The following RPS6KC1 variants were observed in gnomAD, a reference collection of about 807,000 sequenced individuals.
RPS6KC1 encodes ribosomal protein S6 kinase C1, also known as inactive ribosomal protein S6 kinase delta-1.
Under a neutral mutation model 103.8 loss-of-function variants are expected in RPS6KC1, and 54 were observed. The ratio of observed to expected loss-of-function variants is 0.52; its 90% CI spans 0.42 to 0.65. The LOEUF (loss-of-function observed/expected upper bound fraction) is 0.65, where lower values mean the gene tolerates loss of function less well. Among genes scored for constraint, RPS6KC1 ranks in the 30% least tolerant of loss-of-function variants. The pLI, the probability that RPS6KC1 is intolerant of heterozygous loss-of-function variation, is 0.00. For synonymous variants in RPS6KC1, 439 were observed against 438.7 expected (o/e 1.00, Z -0.01); for missense variants, 1,151 against 1,253.8 (o/e 0.92, Z 1.24).
chr1:213,567,776 T>G, the RPS6KC1 span, among the ~76,000 whole-genome samples: 1 of 152,228 alleles, frequency 6.6e-6, no homozygotes, highest in African/African-American at 2.4e-5. Flanking sequence ...CTAGTAATTG[T>G]AATGGAGTTG....
chr1:213,488,130 A>G, the RPS6KC1 span, among the ~76,000 whole-genome samples: 6 of 152,210 alleles, frequency 3.9e-5, no homozygotes, highest in Non-Finnish European at 7.3e-5. Context: ...GGTCACCTAA[A>G]CAATCCCTAT....
chr1:213,450,973 C>CA, the RPS6KC1 span, among the ~76,000 whole-genome samples: 2,874 of 145,904 alleles, frequency 0.02, 89 homozygotes, highest in African/African-American at 0.068. Context: ...GACTCTGTTT[C>CA]AAAAAAAAAA....
the RPS6KC1 span, among the ~76,000 whole-genome samples, chr1:213,434,621 A>G: frequency 6.6e-6 from 1 of 151,958 alleles, no homozygotes; most frequent in Admixed American, 6.6e-5. Context: ...ACACCCAGCT[A>G]ATTTTTGCAT....
At chr1:213,529,200 G>C in the RPS6KC1 span, among the ~76,000 whole-genome samples, 1 of 151,940 alleles carries the variant, frequency 6.6e-6, no homozygotes, top group South Asian at 2.1e-4. Context: ...AAAGATAATG[G>C]GGAGGGGGAT....
chr1:213,527,693 G>A, the RPS6KC1 span, among the ~76,000 whole-genome samples: 4 of 151,728 alleles, frequency 2.6e-5, no homozygotes, highest in East Asian at 3.9e-4. Flanking sequence ...TAATTGACAC[G>A]TTGTAATTGT....
chr1:213,399,639 C>T, the RPS6KC1 span, among the ~76,000 whole-genome samples: 20 of 152,216 alleles, frequency 1.3e-4, no homozygotes, highest in East Asian at 3.7e-3. Context: ...CCAATGGGTG[C>T]ATGAAGCCGC....
At chr1:213,489,294 G>A in the RPS6KC1 span, among the ~76,000 whole-genome samples, 1 of 152,134 alleles carries the variant, frequency 6.6e-6, no homozygotes, top group African/African-American at 2.4e-5. Context: ...AGGTGTGAAG[G>A]AGATTCCCAG....
the RPS6KC1 span, among the ~76,000 whole-genome samples, chr1:213,603,667 C>T: frequency 6.6e-6 from 1 of 151,878 alleles, no homozygotes; most frequent in East Asian, 1.9e-4. Flanking sequence ...CGAGACCAGC[C>T]TGGCCAACTG....
the RPS6KC1 span, among the ~76,000 whole-genome samples, chr1:213,853,419 T>A: frequency 2.6e-5 from 4 of 152,342 alleles, no homozygotes; most frequent in African/African-American, 9.6e-5. Context: ...CAAATGAGGA[T>A]AATAACCTTC....
chr1:213,178,483 A>G (rs1052988015), intron 8 of RPS6KC1, among the ~76,000 whole-genome samples: 3 of 151,676 alleles, frequency 2.0e-5, no homozygotes, highest in African/African-American at 4.8e-5. Flanking sequence ...AGAGGTTACA[A>G]TGAGCCGAGA....
At chr1:213,757,425 G>A in the RPS6KC1 span, among the ~76,000 whole-genome samples, 2 of 152,228 alleles carry the variant, frequency 1.3e-5, no homozygotes, top group Non-Finnish European at 2.9e-5. Context: ...GATCAGACAA[G>A]CCACAACATT....
At chr1:213,602,106 TTCTTTCTTTCTTTCTCTTTCTTTCTTTC>T in the RPS6KC1 span, among the ~76,000 whole-genome samples, 1 of 34,654 alleles carries the variant, frequency 2.9e-5, no homozygotes, top group South Asian at 1.0e-3. Context: ...CTTTCTTTCT[TTCTTTCTTTCTTTCTCTTTCTTTCTTTC>T]TTTCTTTCTT....
the RPS6KC1 span, among the ~76,000 whole-genome samples, chr1:213,578,014 G>A: frequency 6.6e-6 from 1 of 152,226 alleles, no homozygotes; most frequent in African/African-American, 2.4e-5. Flanking sequence ...CCAAGCTGGG[G>A]GGCCTAGTGG....
chr1:213,535,239 G>A, the RPS6KC1 span, among the ~76,000 whole-genome samples: 1 of 152,224 alleles, frequency 6.6e-6, no homozygotes, highest in African/African-American at 2.4e-5. Context: ...GATGAGTGGA[G>A]CAGAATAAAA....
the RPS6KC1 span, among the ~76,000 whole-genome samples, chr1:213,578,235 C>T: frequency 6.6e-6 from 1 of 152,226 alleles, no homozygotes; most frequent in Non-Finnish European, 1.5e-5. Flanking sequence ...TGGGAACCTC[C>T]ACCTAGATTT....
At chr1:213,058,059 CTTTTTT>C (rs756919339) in intron 1 of RPS6KC1, among the ~76,000 whole-genome samples, 1 of 111,948 alleles carries the variant, frequency 8.9e-6, no homozygotes, top group Non-Finnish European at 1.8e-5. Flanking sequence ...TGCGCCTGAC[CTTTTTT>C]TTTTTTTTTT....
At chr1:213,633,396 A>T in the RPS6KC1 span, among the ~76,000 whole-genome samples, 9 of 152,226 alleles carry the variant, frequency 5.9e-5, no homozygotes, top group Admixed American at 2.6e-4. Context: ...CCAATACTCA[A>T]CATTCTTAAA....
intron 12 of RPS6KC1, among the ~76,000 whole-genome samples, chr1:213,243,483 A>C (rs549316026): frequency 6.6e-6 from 1 of 152,204 alleles, no homozygotes; most frequent in African/African-American, 2.4e-5. Context: ...TTTTATAACA[A>C]ATTTTTATAG....
At chr1:213,492,468 G>A in the RPS6KC1 span, 1 of 152,200 alleles carries the variant, frequency 6.6e-6, no homozygotes, top group African/African-American at 2.4e-5. Context: ...ATCTTAATAG[G>A]TGGGCTTTGT....
Sources: allele counts gnomAD v4.1 joint callset (sites outside exome capture counted in the v4.1 genomes callset), GRCh38; gene constraint gnomAD v4.1.1; transcripts MANE v1.5; gene names NCBI Gene and HGNC (gene_info 2026-07-23, HGNC 2026-07-21).